FTO: variants seen among roughly 807,000 people sequenced by gnomAD.
FTO encodes FTO alpha-ketoglutarate dependent dioxygenase.
In FTO, 47 loss-of-function variants were observed where a neutral mutation model predicts 63.9. The observed-to-expected ratio is 0.74, with a 90% CI of 0.58 to 0.94. The LOEUF (loss-of-function observed/expected upper bound fraction) is 0.94. FTO is among the 40% of genes least tolerant of loss of function. The pLI, the probability that FTO is intolerant of heterozygous loss-of-function variation, is 0.00. For synonymous variants in FTO, 207 were observed against 224.4 expected, an observed-to-expected ratio of 0.92 and a Z score of 0.69; for missense variants, 562 against 618.1, an observed-to-expected ratio of 0.91 and a Z score of 0.96.
intron 8 of FTO, among the ~76,000 whole-genome samples, chr16:54,022,255 A>T (rs540346020): frequency 6.6e-6 from 1 of 152,218 alleles, no homozygotes; most frequent in Admixed American, 6.5e-5. Context: ...CTCGTAGTCC[A>T]TATGGAGCAA....
intron 7 of FTO, among the ~76,000 whole-genome samples, chr16:53,913,905 G>C (rs994579198): frequency 6.6e-6 from 1 of 151,812 alleles, no homozygotes; most frequent in Admixed American, 6.6e-5. Context: ...CTGGAACCCT[G>C]GGGGCGGAGG....
chr16:53,888,635 G>GACTA (rs1178698351), intron 6 of FTO, among the ~76,000 whole-genome samples, 197 bp from the exon 7 acceptor site: 1 of 152,064 alleles, frequency 6.6e-6, no homozygotes, highest in Admixed American at 6.5e-5. Flanking sequence ...TCAGTTTTAA[G>GACTA]ACTACTCTTT....
rs752512460 is a variant in FTO, at chr16:54,057,620, C to T, written c.1365-54142C>T. On this transcript the variant is annotated intron_variant, in intron 8 of 8. Coordinates refer to ENST00000471389, the MANE Select transcript of FTO (RefSeq NM_001080432.3). ...CTGGGACTATGGGCACGGGCCACCA[C>T]GCCTGGCTAATTTTTTTTTTTTCTG... Among the ~76,000 whole-genome samples the T allele has an allele frequency of 4.6e-5, 7 of 151,918 alleles. No homozygotes were observed. The South Asian group carries it at 8.3e-4, about 18-fold the overall frequency.
chr16:54,109,055 GT>G (rs1325592007), intron 8 of FTO, among the ~76,000 whole-genome samples: 8 of 152,314 alleles, frequency 5.3e-5, no homozygotes, highest in African/African-American at 1.9e-4. Context: ...TATCATTTGA[GT>G]TGGGGATGTC....
At chr16:54,090,263 C>T (rs544049337) in intron 8 of FTO, among the ~76,000 whole-genome samples, 60 of 152,182 alleles carry the variant, frequency 3.9e-4, no homozygotes, top group Non-Finnish European at 7.5e-4. Flanking sequence ...TATTATGCTA[C>T]GTGAAATAAG....
At chr16:53,855,104 G>T (rs370417612) in intron 4 of FTO, among the ~76,000 whole-genome samples, 6 of 151,690 alleles carry the variant, frequency 4.0e-5, no homozygotes, top group South Asian at 2.1e-4. Context: ...CATTGTTAGT[G>T]CATTGCAGTG....
chr16:54,024,546 G>C (rs2084673595), intron 8 of FTO, among the ~76,000 whole-genome samples: 1 of 152,044 alleles, frequency 6.6e-6, no homozygotes, highest in Admixed American at 6.6e-5. Flanking sequence ...TTTTATGTTA[G>C]TTTGTATTGC....
rs148522276 is a variant in FTO, at chr16:53,709,199, A to C, written c.45+4970A>C. ...TCTCTTGTGATTGCTTATGCTATGG[A>C]CTTTTATGCTGTTTCCAAGTCTGGA... On this transcript the variant is annotated intron_variant, in intron 1 of 8. Coordinates refer to ENST00000471389, the MANE Select transcript of FTO (RefSeq NM_001080432.3). 3.9e-3 allele frequency among the ~76,000 whole-genome samples: 600 copies of C among 152,252 alleles called. 4 individuals carry two copies. The highest frequency in any genetic ancestry group is 0.014 in the African/African-American group (575 of 41,544).
chr16:53,858,195 T>C (rs1039113287), intron 4 of FTO, among the ~76,000 whole-genome samples: 3 of 152,202 alleles, frequency 2.0e-5, no homozygotes, highest in Non-Finnish European at 2.9e-5. Context: ...AGTTCCAAGG[T>C]AGACATTTTT....
chr16:53,757,544 T>C (rs999290787), intron 1 of FTO, among the ~76,000 whole-genome samples: 1 of 151,392 alleles, frequency 6.6e-6, no homozygotes. Context: ...AATATGTGTG[T>C]ATATATGAAT....
At chr16:54,064,906 C>T (rs991044652) in intron 8 of FTO, among the ~76,000 whole-genome samples, 5 of 151,956 alleles carry the variant, frequency 3.3e-5, no homozygotes, top group South Asian at 2.1e-4. Flanking sequence ...TAAGGTCATG[C>T]GGCTTCTTGG....
At chr16:53,858,530 G>A (rs1598844393) in intron 4 of FTO, among the ~76,000 whole-genome samples, 1 of 152,120 alleles carries the variant, frequency 6.6e-6, no homozygotes, top group African/African-American at 2.4e-5. Context: ...ATAATCTCAA[G>A]GTACATAACT....
intron 1 of FTO, among the ~76,000 whole-genome samples, chr16:53,778,951 G>GTAA (rs1304778033): frequency 6.6e-6 from 1 of 151,782 alleles, no homozygotes; most frequent in Non-Finnish European, 1.5e-5. Flanking sequence ...GACTGAGAAG[G>GTAA]TAATAGGACC....
At chr16:53,720,430 G>C (rs1333742761) in intron 1 of FTO, among the ~76,000 whole-genome samples, 1 of 151,608 alleles carries the variant, frequency 6.6e-6, no homozygotes, top group Non-Finnish European at 1.5e-5. Context: ...TCCCCACCAT[G>C]TAGAAATTAT....
rs773329068 is a variant in FTO, at chr16:53,879,857, C to T, written c.989C>T (p.Thr330Ile). 9 of 1,613,968 alleles carry T rather than the reference C, an allele frequency of 5.6e-6. No individual in the cohort carries two copies. In the African/African-American group the frequency reaches 8.0e-5, roughly 14 times the overall value. ...THRVAECSTG[T>I]LDYILQRCQL... ...CTGTCTCAACAGTGCTCAACAGGAA[C>T]CTTGGATTATATTTTACAACGCTGT... The change falls in exon 6 of 9, where the codon ACC (threonine) becomes ATC (isoleucine). Residue 330 changes from threonine (T) to isoleucine (I), a missense_variant. Physicochemically the swap from Thr to Ile is moderately conservative, Grantham distance 89. Coordinates refer to ENST00000471389, the MANE Select transcript of FTO (RefSeq NM_001080432.3).
chr16:54,096,550 C>T (rs1027541096), intron 8 of FTO, among the ~76,000 whole-genome samples: 11 of 152,196 alleles, frequency 7.2e-5, no homozygotes, highest in Admixed American at 5.9e-4. Context: ...AGTGAAATAG[C>T]GCCCAGGAAG....
chr16:53,815,232 A>T (rs1281586352), intron 2 of FTO, among the ~76,000 whole-genome samples: 4 of 152,128 alleles, frequency 2.6e-5, no homozygotes, highest in Non-Finnish European at 4.4e-5. Flanking sequence ...TTACATTTTA[A>T]TAAGGATTCT....
At position 53,793,731 on chromosome 16, in the gene FTO, AAAAC is replaced by A. The variant is rs144672139; in HGVS notation, c.46-16385_46-16382del. Among the ~76,000 whole-genome samples, 5,922 of 152,166 alleles carry A rather than the reference AAAAC, an allele frequency of 0.039. 480 individuals carry two copies. In the East Asian group the frequency reaches 0.4, roughly 10 times the overall value. ...TGAGCCGAGAGCGAGACTCCGTCTCAAAACAAACAAACAAACAAACAAACAAAAA... is the reference window on the plus strand; with the variant it reads ...TGAGCCGAGAGCGAGACTCCGTCTCAAAACAAACAAACAAACAAACAAAAA... On this transcript the variant is annotated intron_variant, in intron 1 of 8. Coordinates refer to ENST00000471389, the MANE Select transcript of FTO (RefSeq NM_001080432.3).
At chr16:53,933,256 ACAATTTCATTGAAATTGTAGTGG>A (rs2082320959) in intron 7 of FTO, among the ~76,000 whole-genome samples, 1 of 152,198 alleles carries the variant, frequency 6.6e-6, no homozygotes, top group Non-Finnish European at 1.5e-5. Context: ...TAGAACACAG[ACAATTTCATTGAAATTGTAGTGG>A]CAATTTCATT....
Sources: allele counts gnomAD v4.1 joint callset (sites outside exome capture counted in the v4.1 genomes callset), GRCh38; gene constraint gnomAD v4.1.1; transcripts MANE v1.5; gene names NCBI Gene and HGNC (gene_info 2026-07-23, HGNC 2026-07-21).